The following PTPRD variants were observed in gnomAD, a reference collection of about 807,000 sequenced individuals.
PTPRD encodes receptor-type tyrosine-protein phosphatase delta.
Under a neutral mutation model 214.5 loss-of-function variants are expected in PTPRD, and 34 were observed. That is an observed-to-expected ratio of 0.16 (90% CI 0.12 to 0.21). The LOEUF is 0.21. PTPRD is among the 10% of genes least tolerant of loss of function. The pLI, the probability that PTPRD is intolerant of heterozygous loss-of-function variation, is 1.00. For missense variants in PTPRD, 2,545 were observed against 2,398.7 expected, an observed-to-expected ratio of 1.06 and a Z score of -1.27; for synonymous variants, 1,128 against 845.7, an observed-to-expected ratio of 1.33 and a Z score of -5.79.
intron 11 of PTPRD, among the ~76,000 whole-genome samples, chr9:9,006,826 T>A (rs555549050): frequency 1.3e-5 from 2 of 152,032 alleles, no homozygotes; most frequent in Non-Finnish European, 2.9e-5. Flanking sequence ...GGAAAAAAAC[T>A]CTATTTAATG....
intron 3 of PTPRD, among the ~76,000 whole-genome samples, chr9:10,228,609 T>C (rs191171158): frequency 5.3e-4 from 80 of 151,928 alleles, no homozygotes; most frequent in Non-Finnish European, 9.9e-4. Context: ...TCATGATTCT[T>C]GTAAAGGTAT....
At chr9:8,420,716 T>G (rs2094295738) in intron 35 of PTPRD, among the ~76,000 whole-genome samples, 1 of 152,072 alleles carries the variant, frequency 6.6e-6, no homozygotes, top group South Asian at 2.1e-4. Context: ...TTTATGAAAT[T>G]TATAGGCAGA....
intron 11 of PTPRD, among the ~76,000 whole-genome samples, chr9:8,961,481 T>C (rs1053779835): frequency 6.6e-5 from 10 of 152,080 alleles, no homozygotes; most frequent in Non-Finnish European, 1.2e-4. Flanking sequence ...AGAGTTAGCC[T>C]TGCACCCGCA....
intron 8 of PTPRD, among the ~76,000 whole-genome samples, chr9:9,543,596 G>T (rs1020406246): frequency 6.6e-6 from 1 of 151,478 alleles, no homozygotes; most frequent in African/African-American, 2.4e-5. Flanking sequence ...GGATAATGCA[G>T]GTACAAATAA....
intron 9 of PTPRD, among the ~76,000 whole-genome samples, chr9:9,361,632 T>G (rs2139072043): frequency 6.6e-6 from 1 of 151,186 alleles, no homozygotes; most frequent in East Asian, 2.0e-4. Context: ...ATATGTATCT[T>G]TTCTTCATGC....
intron 14 of PTPRD, among the ~76,000 whole-genome samples, chr9:8,578,156 T>C (rs1455883985): frequency 6.6e-6 from 1 of 152,226 alleles, no homozygotes; most frequent in Non-Finnish European, 1.5e-5. Context: ...AAGATGATCA[T>C]GTCAAGACGA....
intron 2 of PTPRD, among the ~76,000 whole-genome samples, chr9:10,535,479 T>G (rs1397363491): frequency 6.6e-6 from 1 of 152,110 alleles, no homozygotes; most frequent in African/African-American, 2.4e-5. Context: ...GCTTACTGTA[T>G]GCCAACATCT....
chr9:10,006,739 G>T (rs1038410249), intron 4 of PTPRD, among the ~76,000 whole-genome samples: 1 of 151,744 alleles, frequency 6.6e-6, no homozygotes, highest in Non-Finnish European at 1.5e-5. Context: ...ATCCAGTATT[G>T]CTCCAGCCTA....
At chr9:9,090,666 A>C (rs1016746183) in intron 10 of PTPRD, among the ~76,000 whole-genome samples, 1 of 152,206 alleles carries the variant, frequency 6.6e-6, no homozygotes, top group African/African-American at 2.4e-5. Context: ...ACTTTCATAC[A>C]AACTTAAAAA....
chr9:9,632,253 A>G (rs989835211), intron 7 of PTPRD, among the ~76,000 whole-genome samples: 1 of 152,210 alleles, frequency 6.6e-6, no homozygotes, highest in Non-Finnish European at 1.5e-5. Context: ...CCATGTTACA[A>G]CATGGATAAA....
intron 36 of PTPRD, among the ~76,000 whole-genome samples, chr9:8,404,273 C>T (rs528864851): frequency 5.3e-5 from 8 of 152,136 alleles, no homozygotes; most frequent in Non-Finnish European, 1.0e-4. Context: ...GGATTACAGG[C>T]GCCCACCACC....
chr9:8,879,544 T>C (rs1178897255), intron 11 of PTPRD, among the ~76,000 whole-genome samples: 1 of 152,192 alleles, frequency 6.6e-6, no homozygotes, highest in African/African-American at 2.4e-5. Flanking sequence ...CAGTGAGTCC[T>C]GGTTGTTATT....
At chr9:10,258,054 G>C (rs546720774) in intron 3 of PTPRD, among the ~76,000 whole-genome samples, 4 of 152,248 alleles carry the variant, frequency 2.6e-5, no homozygotes, top group South Asian at 2.1e-4. Context: ...GAGAAAGTGA[G>C]TCAGTCGGTA....
chr9:8,570,029 G>T (rs1365301164), intron 14 of PTPRD, among the ~76,000 whole-genome samples: 1 of 151,972 alleles, frequency 6.6e-6, no homozygotes, highest in Non-Finnish European at 1.5e-5. Context: ...AATCACCATC[G>T]CATAAGTAGA....
chr9:10,099,200 G>T (rs72694848), intron 3 of PTPRD, among the ~76,000 whole-genome samples: 7 of 151,434 alleles, frequency 4.6e-5, no homozygotes, highest in African/African-American at 1.7e-4. Context: ...AAGAGCCTGG[G>T]GTCTAAAATC....
chr9:10,564,894 A>C (rs1300976599), intron 2 of PTPRD, among the ~76,000 whole-genome samples: 1 of 152,142 alleles, frequency 6.6e-6, no homozygotes, highest in East Asian at 1.9e-4. Context: ...CTATTCAGTT[A>C]ATTAATAACC....
intron 14 of PTPRD, among the ~76,000 whole-genome samples, chr9:8,594,280 C>G (rs1028400087): frequency 6.6e-6 from 1 of 152,120 alleles, no homozygotes; most frequent in African/African-American, 2.4e-5. Context: ...ACCAAATAAA[C>G]ATAAATCCTA....
chr9:8,998,703 G>A (rs1234853035), intron 11 of PTPRD, among the ~76,000 whole-genome samples: 3 of 152,074 alleles, frequency 2.0e-5, no homozygotes, highest in Middle Eastern at 3.2e-3. Context: ...GCTATGGATA[G>A]TGATTCCTCT....
intron 9 of PTPRD, among the ~76,000 whole-genome samples, chr9:9,185,200 T>C (rs2099930573): frequency 6.6e-6 from 1 of 152,046 alleles, no homozygotes; most frequent in Non-Finnish European, 1.5e-5. Context: ...TTCAAAACAA[T>C]AACCAATCAC....
Sources: gnomAD v4.1 joint callset for allele counts (sites outside exome capture counted in the v4.1 genomes callset) on GRCh38, gnomAD v4.1.1 for gene constraint, MANE v1.5 for transcripts, NCBI Gene and HGNC (gene_info 2026-07-23, HGNC 2026-07-21) for gene names.